CSMD3: variants seen among roughly 807,000 people sequenced by gnomAD.
CSMD3 encodes the protein CUB and Sushi multiple domains 3.
In CSMD3, 177 loss-of-function variants were observed where a neutral mutation model predicts 435.2. The observed-to-expected ratio is 0.41, with a 90% CI of 0.36 to 0.46. CSMD3 has a LOEUF of 0.46. Ranked by LOEUF, CSMD3 falls within the 20% of genes least tolerant of loss-of-function variation. The pLI is 0.34. For missense variants in CSMD3, 4,265 were observed against 4,504.6 expected, an observed-to-expected ratio of 0.95 and a Z score of 1.52; for synonymous variants, 1,656 against 1,520.5, an observed-to-expected ratio of 1.09 and a Z score of -2.07.
chr8:112,620,472 A>T (rs1384140112), intron 22 of CSMD3, among the ~76,000 whole-genome samples: 1 of 152,196 alleles, frequency 6.6e-6, no homozygotes, highest in Non-Finnish European at 1.5e-5. Flanking sequence ...CTCGAAGTTA[A>T]AACAGAACCA....
At chr8:113,254,634 T>G (rs541188028) in intron 3 of CSMD3, among the ~76,000 whole-genome samples, 9 of 152,322 alleles carry the variant, frequency 5.9e-5, no homozygotes, top group African/African-American at 1.9e-4. Context: ...TGGATTTAGG[T>G]CTTACAATAT....
rs2094709011 is a variant in CSMD3 at position 113,436,744 on chromosome 8, T to A, written c.111A>T (p.Lys37Asn). 6.2e-7 allele frequency: 1 copy of A among 1,613,994 alleles called. No homozygotes were observed. The highest frequency in any genetic ancestry group is 1.7e-5 in the Admixed American group (1 of 59,990). The change falls in exon 1 of 71, where the codon AAA becomes AAT. Residue 37 changes from lysine (K) to asparagine (N), a missense_variant. This residue lies in a region of CSMD3 where 731 missense variants were observed against 755.4 expected (regional missense o/e 0.97). Transcript: ENST00000297405. The stretch of plus-strand genomic sequence containing the variant: ...ACGTAAATCCACTTTTAATCCCCAT[T>A]TTCTTCATCAGGATGAAGTCTAGGC... ...CGRLDFILMKKMGIKSGFTFW... is the reference protein window; with the variant it reads ...CGRLDFILMKNMGIKSGFTFW...
chr8:112,267,830 GCAAAGGCTAGT>G (rs911657516), intron 59 of CSMD3, among the ~76,000 whole-genome samples: 6 of 152,010 alleles, frequency 3.9e-5, no homozygotes, highest in Non-Finnish European at 8.8e-5. Context: ...TCCTAATGAA[GCAAAGGCTAGT>G]CAAAGAGGCA....
intron 6 of CSMD3, among the ~76,000 whole-genome samples, chr8:113,007,540 C>T (rs981567493): frequency 1.1e-4 from 17 of 151,922 alleles, no homozygotes; most frequent in African/African-American, 4.1e-4. Flanking sequence ...ACAAAACCTA[C>T]TGACACCTTG....
At chr8:113,295,707 T>C (rs2093715963) in intron 2 of CSMD3, among the ~76,000 whole-genome samples, 1 of 152,184 alleles carries the variant, frequency 6.6e-6, no homozygotes, top group Non-Finnish European at 1.5e-5. Flanking sequence ...GCCTGAGTTC[T>C]AGTGTGATTG....
At chr8:112,936,651 T>C (rs917618086) in intron 9 of CSMD3, among the ~76,000 whole-genome samples, 1 of 152,140 alleles carries the variant, frequency 6.6e-6, no homozygotes, top group Non-Finnish European at 1.5e-5. Flanking sequence ...ATGTATTCAA[T>C]GATCTCACTT....
intron 5 of CSMD3, among the ~76,000 whole-genome samples, chr8:113,082,222 T>G (rs1444451319): frequency 6.6e-6 from 1 of 151,952 alleles, no homozygotes; most frequent in Non-Finnish European, 1.5e-5. Context: ...TACCCAGGAG[T>G]GTGAGGATAG....
At chr8:113,225,556 C>T (rs149586658) in intron 3 of CSMD3, among the ~76,000 whole-genome samples, 293 of 151,258 alleles carry the variant, frequency 1.9e-3, no homozygotes, top group Admixed American at 4.0e-3. Context: ...GGCTAAATGA[C>T]GAGAGAAAAA....
chr8:112,835,883 C>T (rs2080008677), intron 11 of CSMD3, among the ~76,000 whole-genome samples: 1 of 151,768 alleles, frequency 6.6e-6, no homozygotes, highest in African/African-American at 2.4e-5. Flanking sequence ...GAACTCATTC[C>T]ATTTCTAGAG....
rs1164996650 is a variant in CSMD3, at chr8:112,494,511, CTT to C, written c.5084-1830_5084-1829del. On this transcript the variant is annotated intron_variant, in intron 30 of 70. Transcript: ENST00000297405. ...CTTTCTCTCCTTTCTTTCTTTCTTTCTTTCTTTCTTTCTTTCTTTCTTTCTTT... is the reference window on the plus strand; with the variant it reads ...CTTTCTCTCCTTTCTTTCTTTCTTTCTCTTTCTTTCTTTCTTTCTTTCTTT... 3.3e-4 allele frequency among the ~76,000 whole-genome samples: 24 copies of C among 73,126 alleles called. 1 individual carries two copies. Among genetic ancestry groups the C allele is most frequent in the African/African-American group, 1.1e-3 (24 of 22,138 alleles). The allele number at this position is 73,126 out of a possible 152,430, so 48.0% of individuals were successfully genotyped here.
intron 3 of CSMD3, among the ~76,000 whole-genome samples, chr8:113,276,699 G>T (rs2093573445): frequency 6.6e-6 from 1 of 152,014 alleles, no homozygotes. Flanking sequence ...ATAAAACTGA[G>T]ATAGTTTTTT....
chr8:113,268,238 G>A (rs1360778037), intron 3 of CSMD3, among the ~76,000 whole-genome samples: 1 of 151,780 alleles, frequency 6.6e-6, no homozygotes, highest in Non-Finnish European at 1.5e-5. Flanking sequence ...CCCACCCTTT[G>A]TTCCACAGAA....
chr8:112,679,296 G>T (rs928552597), intron 16 of CSMD3, among the ~76,000 whole-genome samples: 2 of 152,102 alleles, frequency 1.3e-5, no homozygotes, highest in Non-Finnish European at 2.9e-5. Flanking sequence ...CTGGCTCAGA[G>T]GTGGTTTGGG....
At chr8:113,251,018 T>A (rs944815621) in intron 3 of CSMD3, among the ~76,000 whole-genome samples, 1 of 152,084 alleles carries the variant, frequency 6.6e-6, no homozygotes, top group Non-Finnish European at 1.5e-5. Context: ...AAAAAAAGTT[T>A]AAAAATGAGT....
intron 5 of CSMD3, among the ~76,000 whole-genome samples, chr8:113,032,147 G>A (rs556784795): frequency 1.3e-5 from 2 of 151,546 alleles, no homozygotes; most frequent in Admixed American, 1.3e-4. Context: ...AATACAGAGA[G>A]TTGGTACTAG....
chr8:112,595,869 T>G (rs1320391001), intron 22 of CSMD3, among the ~76,000 whole-genome samples: 1 of 109,176 alleles, frequency 9.2e-6, no homozygotes, highest in East Asian at 2.5e-4. Context: ...AAGGAAGCGC[T>G]AAACATGGAA....
chr8:113,124,478 CT>C (rs2091070701), intron 4 of CSMD3, among the ~76,000 whole-genome samples: 1 of 99,702 alleles, frequency 1.0e-5, no homozygotes, highest in African/African-American at 5.4e-5. Flanking sequence ...TTAAATAAAC[CT>C]TGTGGGAAAA....
intron 11 of CSMD3, among the ~76,000 whole-genome samples, chr8:112,840,523 T>C (rs185800702): frequency 6.6e-6 from 1 of 151,760 alleles, no homozygotes; most frequent in Admixed American, 6.6e-5. Context: ...TATTCCAAGA[T>C]AGCTAGAAAA....
At chr8:112,789,931 C>T (rs1418842046) in intron 13 of CSMD3, among the ~76,000 whole-genome samples, 1 of 151,924 alleles carries the variant, frequency 6.6e-6, no homozygotes, top group Admixed American at 6.6e-5. Flanking sequence ...ACAGTCCTGA[C>T]AGATATTTAT....
Sources: gnomAD v4.1 joint callset for allele counts (sites outside exome capture counted in the v4.1 genomes callset) on GRCh38, gnomAD v4.1.1 for gene constraint, gnomAD v4.1.1 regional missense constraint, MANE v1.5 for transcripts, NCBI Gene and HGNC (gene_info 2026-07-23, HGNC 2026-07-21) for gene names.